The following TOP6BL variants were observed in gnomAD, a reference collection of about 807,000 sequenced individuals.
TOP6BL encodes TOP6B like initiator of meiotic double strand breaks.
the TOP6BL span, among the ~76,000 whole-genome samples, chr11:66,753,707 T>C: frequency 1.4e-5 from 2 of 143,718 alleles, no homozygotes; most frequent in Non-Finnish European, 1.5e-5. Context: ...CGCCCGGCCA[T>C]GTTTTTATGT....
the TOP6BL span, among the ~76,000 whole-genome samples, chr11:66,759,750 A>T: frequency 6.6e-6 from 1 of 152,008 alleles, no homozygotes; most frequent in Non-Finnish European, 1.5e-5. Context: ...CACCCAGCTA[A>T]TTTTTTGTAT....
At chr11:66,757,377 G>A in the TOP6BL span, among the ~76,000 whole-genome samples, 1 of 152,054 alleles carries the variant, frequency 6.6e-6, no homozygotes, top group Non-Finnish European at 1.5e-5. Flanking sequence ...AAGACTATCT[G>A]TTGTTAAATG....
At chr11:66,811,934 C>A in the TOP6BL span, among the ~76,000 whole-genome samples, 1 of 151,808 alleles carries the variant, frequency 6.6e-6, no homozygotes, top group African/African-American at 2.4e-5. Flanking sequence ...CAGAATGAGA[C>A]CTTGTGTCTT....
the TOP6BL span, among the ~76,000 whole-genome samples, chr11:66,768,145 G>A: frequency 6.6e-6 from 1 of 152,118 alleles, no homozygotes; most frequent in East Asian, 1.9e-4. Flanking sequence ...GGGAAAGAAA[G>A]TGAGGAGTGG....
the TOP6BL span, chr11:66,843,380 G>A: frequency 7.0e-7 from 1 of 1,432,798 alleles, no homozygotes; most frequent in Non-Finnish European, 9.1e-7. Context: ...GCGGGGCGTG[G>A]AGCCGCGCCG....
chr11:66,780,612 C>T, the TOP6BL span, among the ~76,000 whole-genome samples: 2 of 152,116 alleles, frequency 1.3e-5, no homozygotes, highest in African/African-American at 4.8e-5. Context: ...CAGAGTCTCA[C>T]TCTCTCACCC....
the TOP6BL span, chr11:66,800,512 T>C: frequency 1.5e-6 from 1 of 664,976 alleles, no homozygotes; most frequent in Non-Finnish European, 2.6e-6. Flanking sequence ...AGTTATAGTT[T>C]ATCAATTAAA....
At chr11:66,748,896 A>T in the TOP6BL span, among the ~76,000 whole-genome samples, 5 of 150,962 alleles carry the variant, frequency 3.3e-5, no homozygotes, top group Non-Finnish European at 1.5e-5. Flanking sequence ...AAAAGGAAAA[A>T]TGATGAATGG....
At chr11:66,805,023 C>T in the TOP6BL span, among the ~76,000 whole-genome samples, 2 of 152,004 alleles carry the variant, frequency 1.3e-5, no homozygotes. Flanking sequence ...GCCGAGATCG[C>T]AGCCACTGCA....
chr11:66,803,509 A>C, the TOP6BL span, among the ~76,000 whole-genome samples: 1 of 152,066 alleles, frequency 6.6e-6, no homozygotes, highest in Non-Finnish European at 1.5e-5. Flanking sequence ...GCTCACTGCA[A>C]CCTCCGCTTC....
chr11:66,784,190 C>T, the TOP6BL span, among the ~76,000 whole-genome samples: 5 of 152,240 alleles, frequency 3.3e-5, no homozygotes, highest in East Asian at 7.7e-4. Flanking sequence ...GCCACCAAGC[C>T]TGGCTAATTT....
the TOP6BL span, among the ~76,000 whole-genome samples, chr11:66,747,788 T>G: frequency 6.6e-6 from 1 of 151,766 alleles, no homozygotes. Flanking sequence ...TGGGCTAATT[T>G]TTGTTGTTGT....
At chr11:66,789,329 C>A in the TOP6BL span, among the ~76,000 whole-genome samples, 1 of 152,184 alleles carries the variant, frequency 6.6e-6, no homozygotes, top group African/African-American at 2.4e-5. Flanking sequence ...AATTCATTCT[C>A]CATTCCCTTT....
At chr11:66,814,467 T>G in the TOP6BL span, among the ~76,000 whole-genome samples, 1 of 152,132 alleles carries the variant, frequency 6.6e-6, no homozygotes, top group Admixed American at 6.6e-5. Flanking sequence ...TTCCCCATGT[T>G]GGCCAGGCTG....
At chr11:66,744,828 C>G in the TOP6BL span, 5 of 1,313,836 alleles carry the variant, frequency 3.8e-6, no homozygotes, top group Non-Finnish European at 4.9e-6. Context: ...GGGGCGGCGG[C>G]GGCGGCGGCG....
At chr11:66,757,997 C>T in the TOP6BL span, 8 of 334,870 alleles carry the variant, frequency 2.4e-5, no homozygotes, top group South Asian at 8.4e-4. Flanking sequence ...ACTCTAGTTC[C>T]GTGATTCTCA....
the TOP6BL span, among the ~76,000 whole-genome samples, chr11:66,808,869 AAGAGAAG>A: frequency 6.6e-6 from 1 of 151,854 alleles, no homozygotes; most frequent in Non-Finnish European, 1.5e-5. Flanking sequence ...GATGTCCAAA[AAGAGAAG>A]AGAGAAGAGA....
chr11:66,821,880 C>G, the TOP6BL span: 3 of 1,234,390 alleles, frequency 2.4e-6, no homozygotes, highest in South Asian at 1.4e-5. Flanking sequence ...CTCTCCTCTT[C>G]TGTCACCTGG....
At chr11:66,746,416 GTC>G in the TOP6BL span, among the ~76,000 whole-genome samples, 1 of 151,796 alleles carries the variant, frequency 6.6e-6, no homozygotes, top group Non-Finnish European at 1.5e-5. Context: ...AGGAAACTCC[GTC>G]TCTGAAAAAA....
Sources: gnomAD v4.1 joint callset for allele counts (sites outside exome capture counted in the v4.1 genomes callset) on GRCh38, gnomAD v4.1.1 for gene constraint, MANE v1.5 for transcripts, NCBI Gene and HGNC (gene_info 2026-07-23, HGNC 2026-07-21) for gene names.